The following ZDHHC23 variants were observed in gnomAD, a reference collection of about 807,000 sequenced individuals.
ZDHHC23 encodes palmitoyltransferase ZDHHC23.
A neutral mutation model predicts 40.2 loss-of-function variants in ZDHHC23; 41 were observed. That is an observed-to-expected ratio of 1.02 (90% CI 0.79 to 1.32). The LOEUF (loss-of-function observed/expected upper bound fraction) is 1.32. Among genes scored for constraint, ZDHHC23 ranks in the 40% most tolerant of loss-of-function variants. The probability of loss-of-function intolerance (pLI) is 0.00; values close to 1 mark genes in which losing one functional copy is unlikely to be tolerated. For synonymous variants in ZDHHC23, 204 were observed against 210.2 expected, an observed-to-expected ratio of 0.97 and a Z score of 0.26; for missense variants, 471 against 541.5, an observed-to-expected ratio of 0.87 and a Z score of 1.29.
intron 2 of ZDHHC23, among the ~76,000 whole-genome samples, chr3:113,950,638 C>T (rs1938571039): frequency 6.6e-6 from 1 of 152,174 alleles, no homozygotes; most frequent in South Asian, 2.1e-4. Flanking sequence ...TTATGTCCTT[C>T]TCACATGCAA....
Position 113,958,351 on chromosome 3 carries a change from T to G in ZDHHC23, c.1041-12T>G. The G allele has an allele frequency of 6.3e-7, 1 of 1,591,750 alleles. No homozygotes were observed. The highest frequency in any genetic ancestry group is 8.6e-7 in the Non-Finnish European group (1 of 1,164,774). On this transcript the variant is annotated splice_polypyrimidine_tract_variant and intron_variant, in intron 4 of 4. Coordinates refer to ENST00000638807, the MANE Select transcript of ZDHHC23 (RefSeq NM_001320466.2). Reference sequence around the variant, plus strand: ...AAAACGGCAGCCCTGACAGCCTTTTTCCCTCTCCTAGCTCGGCTCTGTCCT... The same window carrying G: ...AAAACGGCAGCCCTGACAGCCTTTTGCCCTCTCCTAGCTCGGCTCTGTCCT...
chr3:113,956,732 C>G (rs1272983072), intron 4 of ZDHHC23, among the ~76,000 whole-genome samples: 1 of 152,208 alleles, frequency 6.6e-6, no homozygotes, highest in Admixed American at 6.5e-5. Flanking sequence ...AGAACTAGTT[C>G]TCTACAAACA....
the ZDHHC23 span, among the ~76,000 whole-genome samples, chr3:113,979,183 A>G: frequency 6.6e-6 from 1 of 152,196 alleles, no homozygotes; most frequent in Non-Finnish European, 1.5e-5. Context: ...TATTCTATGG[A>G]GGTTATAGAT....
the ZDHHC23 span, among the ~76,000 whole-genome samples, chr3:113,977,698 C>T: frequency 6.6e-6 from 1 of 152,114 alleles, no homozygotes; most frequent in Non-Finnish European, 1.5e-5. Flanking sequence ...TGGGAAGGAG[C>T]CTGTGCGACA....
At chr3:113,964,653 T>C (rs893696352), downstream of ZDHHC23, 1 of 152,268 alleles carries the variant, frequency 6.6e-6, no homozygotes, top group Non-Finnish European at 1.5e-5. Flanking sequence ...GAGAACCTTT[T>C]CATACATGGT....
intron 3 of ZDHHC23, among the ~76,000 whole-genome samples, chr3:113,955,391 T>C (rs4682514): frequency 0.3 from 44,953 of 149,092 alleles, 7,148 homozygotes; most frequent in Middle Eastern, 0.44. Flanking sequence ...TGTGTGTGTG[T>C]GCGTGTGTGT....
chr3:113,954,487 C>G (rs1432387019), intron 3 of ZDHHC23, 77 bp downstream of exon 3: 6 of 1,367,140 alleles, frequency 4.4e-6, no homozygotes, highest in Non-Finnish European at 5.9e-6. Context: ...TTCCCTTGTG[C>G]TATCCCAAAA....
chr3:113,978,185 C>A, the ZDHHC23 span: 2 of 1,613,934 alleles, frequency 1.2e-6, no homozygotes, highest in Non-Finnish European at 1.7e-6. Context: ...CAAAACCTCA[C>A]CTGTCACTGT....
At chr3:113,964,839 T>G (rs923961714), downstream of ZDHHC23, 2 of 174,136 alleles carry the variant, frequency 1.1e-5, no homozygotes, top group African/African-American at 4.7e-5. Flanking sequence ...CGGACACATT[T>G]TCTTCACAGG....
chr3:113,949,541 T>C (rs890680400), intron 2 of ZDHHC23, among the ~76,000 whole-genome samples: 1 of 152,252 alleles, frequency 6.6e-6, no homozygotes, highest in Non-Finnish European at 1.5e-5. Context: ...TGGCTTTTAT[T>C]TTCCAAGTGA....
At position 113,956,324 on chromosome 3, in the gene ZDHHC23, C is replaced by G. The variant is rs767747822; in HGVS notation, c.873-15C>G. 3.7e-6 allele frequency: 6 copies of G among 1,606,084 alleles called. No individual in the cohort carries two copies. Among genetic ancestry groups the G allele is most frequent in the Non-Finnish European group, 4.2e-6 (5 of 1,177,646 alleles). On this transcript the variant is annotated splice_polypyrimidine_tract_variant and intron_variant, in intron 3 of 4. Transcript: ENST00000638807. ...AAAATGTGTTTGCTTTTTTATTTCT[C>G]TATGCTGTTTTGAGGATAAATAGCT... is the stretch of plus-strand genomic sequence containing the variant.
the ZDHHC23 span, among the ~76,000 whole-genome samples, chr3:113,971,345 T>C: frequency 6.6e-5 from 10 of 152,364 alleles, no homozygotes; most frequent in East Asian, 3.9e-4. Flanking sequence ...CTTGTGTCTT[T>C]TGGCTGCATA....
chr3:113,969,379 T>C (rs2087161), downstream of ZDHHC23, among the ~76,000 whole-genome samples: 78,779 of 152,014 alleles, frequency 0.52, 20,552 homozygotes, highest in Middle Eastern at 0.62. Flanking sequence ...TATTTTTGCT[T>C]TGGTTGTCTG....
In ZDHHC23 at chr3:113,949,711, T is replaced by G. The variant is rs191207290; in HGVS notation, c.161+748T>G. On this transcript the variant is annotated intron_variant, in intron 2 of 4. Transcript: ENST00000638807. ...TGGGAAGGATAGGGATGTTGGAAAC[T>G]TGCTTTTCCCATTAATAATTATTTC... Among the ~76,000 whole-genome samples, 469 of 152,330 alleles carry G rather than the reference T, an allele frequency of 3.1e-3. 3 individuals carry two copies. The highest frequency in any genetic ancestry group is 0.011 in the African/African-American group (448 of 41,576).
At chr3:113,965,460 A>T, downstream of ZDHHC23, 1 of 623,176 alleles carries the variant, frequency 1.6e-6, no homozygotes, top group Non-Finnish European at 2.7e-6. Context: ...TATGTTAATA[A>T]AATGCTGTAT....
At chr3:113,953,177 T>A (rs905969160) in intron 2 of ZDHHC23, among the ~76,000 whole-genome samples, 1 of 151,522 alleles carries the variant, frequency 6.6e-6, no homozygotes, top group Admixed American at 6.6e-5. Context: ...AAGGCCTTCC[T>A]TACTCCCTCT....
chr3:113,948,440 G>T (rs556663774), intron 1 of ZDHHC23: 26 of 232,560 alleles, frequency 1.1e-4, no homozygotes, highest in African/African-American at 5.6e-4. Context: ...AGACCGCTCG[G>T]CCCTCCCAGC....
chr3:113,971,808 G>A, the ZDHHC23 span, among the ~76,000 whole-genome samples: 1 of 151,892 alleles, frequency 6.6e-6, no homozygotes, highest in African/African-American at 2.4e-5. Context: ...ATTAGGACCT[G>A]GGCTTTTCTT....
chr3:113,968,269 C>A (rs979467915), downstream of ZDHHC23, among the ~76,000 whole-genome samples: 2 of 152,124 alleles, frequency 1.3e-5, no homozygotes, highest in African/African-American at 2.4e-5. Flanking sequence ...TGAGGGTTTC[C>A]CTTTCTCCAT....
Sources: gnomAD v4.1 joint callset for allele counts (sites outside exome capture counted in the v4.1 genomes callset) on GRCh38, gnomAD v4.1.1 for gene constraint, MANE v1.5 for transcripts, NCBI Gene and HGNC (gene_info 2026-07-23, HGNC 2026-07-21) for gene names.